Variants in CNTN4 observed in about 807,000 individuals in gnomAD.
CNTN4 encodes the protein contactin 4, also known as contactin-4.
In CNTN4, 77 loss-of-function variants were observed where a neutral mutation model predicts 122.5. The observed-to-expected ratio is 0.63, with a 90% CI of 0.52 to 0.76. The LOEUF (loss-of-function observed/expected upper bound fraction) is 0.76. Among genes scored for constraint, CNTN4 ranks in the 30% least tolerant of loss-of-function variants. The pLI, the probability that CNTN4 is intolerant of heterozygous loss-of-function variation, is 0.00. For synonymous variants in CNTN4, 512 were observed against 447.0 expected, an observed-to-expected ratio of 1.15 and a Z score of -1.83; for missense variants, 1,256 against 1,259.1, an observed-to-expected ratio of 1.00 and a Z score of 0.04.
chr3:2,346,288 A>T (rs2044395278), intron 3 of CNTN4, among the ~76,000 whole-genome samples: 1 of 152,128 alleles, frequency 6.6e-6, no homozygotes, highest in African/African-American at 2.4e-5. Flanking sequence ...TCCCAAATAA[A>T]ACCTAAAATT....
chr3:2,767,207 A>T (rs2090900872), intron 6 of CNTN4, among the ~76,000 whole-genome samples: 1 of 152,354 alleles, frequency 6.6e-6, no homozygotes, highest in African/African-American at 2.4e-5. Flanking sequence ...AGAGCTAAAC[A>T]TGCAAAATAT....
At chr3:2,838,050 T>C (rs1241773122) in intron 7 of CNTN4, among the ~76,000 whole-genome samples, 1 of 152,150 alleles carries the variant, frequency 6.6e-6, no homozygotes, top group East Asian at 1.9e-4. Context: ...GCTAAGTGTG[T>C]TACAGGAAGA....
At chr3:2,196,514 T>C (rs2037839960) in intron 2 of CNTN4, among the ~76,000 whole-genome samples, 1 of 152,150 alleles carries the variant, frequency 6.6e-6, no homozygotes, top group Non-Finnish European at 1.5e-5. Flanking sequence ...AAAGTATTTA[T>C]TGAGCATCTA....
intron 6 of CNTN4, among the ~76,000 whole-genome samples, chr3:2,773,762 C>CTTTCTTT (rs2091201424): frequency 1.9e-5 from 2 of 107,544 alleles, no homozygotes; most frequent in South Asian, 3.0e-4. Context: ...ATGTAGTAGA[C>CTTTCTTT]TTTTTTTTTT....
At chr3:2,494,585 C>T (rs1163656895) in intron 3 of CNTN4, among the ~76,000 whole-genome samples, 2 of 152,174 alleles carry the variant, frequency 1.3e-5, no homozygotes, top group Non-Finnish European at 2.9e-5. Context: ...GTACCAGACT[C>T]TTAGTTAAAT....
intron 3 of CNTN4, among the ~76,000 whole-genome samples, chr3:2,439,635 T>C (rs980026036): frequency 6.6e-6 from 1 of 152,122 alleles, no homozygotes; most frequent in Non-Finnish European, 1.5e-5. Context: ...TGTGTGTGTG[T>C]GCGCGCGTGC....
intron 13 of CNTN4, among the ~76,000 whole-genome samples, chr3:2,953,724 C>G (rs1393026824): frequency 1.3e-5 from 2 of 152,152 alleles, no homozygotes; most frequent in African/African-American, 4.8e-5. Flanking sequence ...TGTCCTGACT[C>G]CAACATATAA....
chr3:2,159,279 A>G (rs959105006), intron 2 of CNTN4, among the ~76,000 whole-genome samples: 2 of 152,182 alleles, frequency 1.3e-5, no homozygotes, highest in African/African-American at 4.8e-5. Context: ...AATAAGCCCC[A>G]ACATATCCCT....
chr3:2,218,842 A>G (rs543579337), intron 2 of CNTN4, among the ~76,000 whole-genome samples: 75 of 152,354 alleles, frequency 4.9e-4, no homozygotes, highest in Non-Finnish European at 2.2e-4. Context: ...AGATTTTCCT[A>G]GAGCAATTCC....
At chr3:2,371,390 A>G (rs965077856) in intron 3 of CNTN4, among the ~76,000 whole-genome samples, 9 of 152,210 alleles carry the variant, frequency 5.9e-5, no homozygotes, top group African/African-American at 1.9e-4. Flanking sequence ...ATTTAAAATT[A>G]CAAACCCCAA....
At chr3:2,872,343 A>G (rs937104299) in intron 8 of CNTN4, among the ~76,000 whole-genome samples, 1 of 152,240 alleles carries the variant, frequency 6.6e-6, no homozygotes, top group Non-Finnish European at 1.5e-5. Context: ...TACACTGTTT[A>G]TGCACATTAC....
intron 7 of CNTN4, among the ~76,000 whole-genome samples, chr3:2,825,467 C>A (rs1576950565): frequency 6.6e-6 from 1 of 152,196 alleles, no homozygotes; most frequent in South Asian, 2.1e-4. Flanking sequence ...CAGGATCCAC[C>A]CGCTTCAGCC....
chr3:2,456,324 G>A lies in CNTN4; in HGVS notation c.-88-115092G>A, dbSNP rs529971063. ...AACACCTGCCTCTATTATTATGAAT[G>A]TTATCTCAAATTGTATATATTTATT... is the stretch of plus-strand genomic sequence containing the variant. On this transcript the variant is annotated intron_variant, in intron 3 of 24. Coordinates refer to ENST00000418658, the MANE Select transcript of CNTN4 (RefSeq NM_175607.3). Among the ~76,000 whole-genome samples the A allele has an allele frequency of 2.6e-5, 4 of 152,084 alleles. No homozygotes were observed. In the East Asian group the frequency reaches 5.8e-4, roughly 22 times the overall value.
chr3:2,869,819 A>T (rs2093765238), intron 8 of CNTN4, among the ~76,000 whole-genome samples: 1 of 152,200 alleles, frequency 6.6e-6, no homozygotes, highest in Admixed American at 6.5e-5. Flanking sequence ...ATAAAACTGA[A>T]AATTCTTATC....
At chr3:2,945,842 G>C (rs1475375127) in intron 13 of CNTN4, among the ~76,000 whole-genome samples, 1 of 152,168 alleles carries the variant, frequency 6.6e-6, no homozygotes, top group Non-Finnish European at 1.5e-5. Context: ...AAAATCAAGG[G>C]CTAGAAAAAT....
intron 3 of CNTN4, among the ~76,000 whole-genome samples, chr3:2,545,588 G>A (rs2078209826): frequency 6.7e-6 from 1 of 149,528 alleles, no homozygotes; most frequent in Non-Finnish European, 1.5e-5. Flanking sequence ...TTCACTTATT[G>A]AATTGAACCC....
chr3:2,334,002 G>A (rs970014222), intron 2 of CNTN4, among the ~76,000 whole-genome samples: 1 of 152,144 alleles, frequency 6.6e-6, no homozygotes, highest in South Asian at 2.1e-4. Context: ...ATAAGGAAAA[G>A]CCTGTTAAAT....
At chr3:2,679,843 G>A (rs1015162994) in intron 4 of CNTN4, among the ~76,000 whole-genome samples, 1 of 152,034 alleles carries the variant, frequency 6.6e-6, no homozygotes, top group African/African-American at 2.4e-5. Flanking sequence ...TTATGTGGTT[G>A]GATTTTTATT....
At chr3:2,811,272 G>T (rs1023871299) in intron 6 of CNTN4, among the ~76,000 whole-genome samples, 1 of 151,132 alleles carries the variant, frequency 6.6e-6, no homozygotes, top group African/African-American at 2.4e-5. Context: ...GCTGGGCATG[G>T]TGGCAGGTGC....
Sources: gnomAD v4.1 joint callset for allele counts (sites outside exome capture counted in the v4.1 genomes callset) on GRCh38, gnomAD v4.1.1 for gene constraint, MANE v1.5 for transcripts, NCBI Gene and HGNC (gene_info 2026-07-23, HGNC 2026-07-21) for gene names.